Variants in IQCE observed in about 807,000 individuals in gnomAD.
IQCE encodes IQ motif containing E, also known as IQ domain-containing protein E.
Under a neutral mutation model 96.0 loss-of-function variants are expected in IQCE, and 115 were observed. The observed-to-expected ratio is 1.20, with a 90% CI of 1.03 to 1.40. IQCE has a LOEUF of 1.40. Among genes scored for constraint, IQCE ranks in the 40% most tolerant of loss-of-function variants. IQCE has a pLI of 0.00. For synonymous variants in IQCE, 412 were observed against 371.2 expected (o/e 1.11, Z -1.26); for missense variants, 1,041 against 909.1 (o/e 1.15, Z -1.87).
intron 6 of IQCE, among the ~76,000 whole-genome samples, chr7:2,577,737 A>G (rs1324074876): frequency 1.3e-4 from 9 of 71,424 alleles, no homozygotes; most frequent in East Asian, 4.5e-4. Flanking sequence ...TGCGGCGTAT[A>G]CGCATTGGCG....
chr7:2,607,857 C>T (rs887254226), intron 21 of IQCE, among the ~76,000 whole-genome samples: 4 of 152,168 alleles, frequency 2.6e-5, no homozygotes, highest in Admixed American at 1.3e-4. Flanking sequence ...AAGATGAGTG[C>T]GGAGGCACGC....
intron 20 of IQCE, among the ~76,000 whole-genome samples, chr7:2,606,611 CTG>C (rs1425503441): frequency 6.6e-6 from 1 of 152,190 alleles, no homozygotes; most frequent in Non-Finnish European, 1.5e-5. Flanking sequence ...TTCTCAGCCT[CTG>C]TGGTGGAGCC....
At chr7:2,593,345 G>A (rs886437341) in intron 15 of IQCE, among the ~76,000 whole-genome samples, 4 of 152,252 alleles carry the variant, frequency 2.6e-5, no homozygotes, top group East Asian at 1.9e-4. Context: ...TCTCAGGGGC[G>A]TCCTCTGCTC....
intron 16 of IQCE, among the ~76,000 whole-genome samples, chr7:2,595,273 A>G (rs1410603999): frequency 2.0e-5 from 3 of 152,164 alleles, no homozygotes; most frequent in African/African-American, 7.2e-5. Context: ...CGGAGCTGTC[A>G]CTGAGAGGCA....
chr7:2,594,028 G>A (rs1451997552), intron 15 of IQCE, among the ~76,000 whole-genome samples: 6 of 152,150 alleles, frequency 3.9e-5, no homozygotes, highest in African/African-American at 7.2e-5. Flanking sequence ...TTGGGAGGCC[G>A]AGGCGGGCAG....
At chr7:2,596,806 G>A (rs909174327) in intron 16 of IQCE, 4 of 376,786 alleles carry the variant, frequency 1.1e-5, no homozygotes, top group Middle Eastern at 5.8e-4. Context: ...AATGTGTCAG[G>A]ACTGAGGGAA....
At position 2,613,511 on chromosome 7, in the gene IQCE, C is replaced by G. The variant is rs1785184392; in HGVS notation, c.*3349C>G. 2 of 152,236 alleles carry G rather than the reference C, an allele frequency of 1.3e-5. No individual in the cohort carries two copies. Among genetic ancestry groups the G allele is most frequent in the Non-Finnish European group, 2.9e-5 (2 of 68,054 alleles). 9.4% of individuals were successfully genotyped at this position (152,236 alleles called of 1,614,324 possible). A position where few individuals can be genotyped will look rare whatever the true frequency, so the allele number is the denominator to read the frequency against. ...GAGAAAGAGGAGGAGGCCCCAGGCT[C>G]AGAAGCCAGGGACAGACTGCCGACG... On this transcript the variant is annotated 3_prime_UTR_variant, in exon 22 of 22. Coordinates refer to ENST00000402050, the MANE Select transcript of IQCE (RefSeq NM_152558.5).
At chr7:2,579,448 G>A (rs114675103) in intron 8 of IQCE, among the ~76,000 whole-genome samples, 217 of 152,160 alleles carry the variant, frequency 1.4e-3, no homozygotes, top group African/African-American at 4.9e-3. Context: ...AGGATATTAT[G>A]GATCAATACA....
At chr7:2,591,187 A>C (rs528436663) in intron 14 of IQCE, among the ~76,000 whole-genome samples, 4 of 151,842 alleles carry the variant, frequency 2.6e-5, no homozygotes, top group Non-Finnish European at 5.9e-5. Flanking sequence ...TGGGAAGTCG[A>C]GGCTGCCGTG....
chr7:2,568,602 G>A (rs999310056), intron 2 of IQCE, among the ~76,000 whole-genome samples: 1 of 152,228 alleles, frequency 6.6e-6, no homozygotes, highest in Non-Finnish European at 1.5e-5. Flanking sequence ...CCACCTGAGT[G>A]GACAGAGGTG....
chr7:2,570,876 G>C (rs1166408115), intron 3 of IQCE, among the ~76,000 whole-genome samples: 1 of 152,228 alleles, frequency 6.6e-6, no homozygotes. Flanking sequence ...CATTAAAAAT[G>C]TGACATGTTA....
chr7:2,613,060 A>C lies in IQCE; in HGVS notation c.*2898A>C, dbSNP rs1785170692. ...CATCACCTTGAACTTCAAGAACAGCAGCAAAGCTGTATCTGCTATCAGAGG... is the reference window on the plus strand; with the variant it reads ...CATCACCTTGAACTTCAAGAACAGCCGCAAAGCTGTATCTGCTATCAGAGG... On this transcript the variant is annotated 3_prime_UTR_variant, in exon 22 of 22. Coordinates refer to ENST00000402050, the MANE Select transcript of IQCE (RefSeq NM_152558.5). 1.3e-5 allele frequency: 2 copies of C among 152,280 alleles called. No homozygotes were observed. Among genetic ancestry groups the C allele is most frequent in the South Asian group, 4.1e-4 (2 of 4,832 alleles). The allele number at this position is 152,280 out of a possible 1,614,324, so 9.4% of individuals were successfully genotyped here.
At chr7:2,587,442 G>A (rs1368085043) in intron 12 of IQCE, among the ~76,000 whole-genome samples, 1 of 152,122 alleles carries the variant, frequency 6.6e-6, no homozygotes, top group African/African-American at 2.4e-5. Context: ...AGGCAGAGGG[G>A]AGGAGTGGCT....
intron 17 of IQCE, among the ~76,000 whole-genome samples, chr7:2,600,898 G>A (rs912832880): frequency 4.6e-5 from 7 of 152,240 alleles, no homozygotes; most frequent in Admixed American, 1.3e-4. Context: ...TTGTGACGCT[G>A]CGTGTCAGCT....
At chr7:2,591,537 G>T (rs1384726293) in intron 14 of IQCE, among the ~76,000 whole-genome samples, 1 of 151,732 alleles carries the variant, frequency 6.6e-6, no homozygotes, top group Non-Finnish European at 1.5e-5. Context: ...CAAGAGCTAG[G>T]AGCTGGTTAG....
chr7:2,573,605 G>T (rs1286477835), intron 6 of IQCE, 117 bp downstream of exon 6: 1 of 590,482 alleles, frequency 1.7e-6, no homozygotes. Flanking sequence ...GGGAGCGTTA[G>T]GGTCGAACCT....
intron 1 of IQCE, among the ~76,000 whole-genome samples, chr7:2,561,445 G>C (rs1488173147): frequency 6.8e-6 from 1 of 146,120 alleles, no homozygotes; most frequent in Non-Finnish European, 1.5e-5. Flanking sequence ...TTTTGAGATG[G>C]AGTCTTGCTC....
At chr7:2,565,238 C>T (rs1175838274) in intron 1 of IQCE, among the ~76,000 whole-genome samples, 6 of 140,230 alleles carry the variant, frequency 4.3e-5, no homozygotes, top group Middle Eastern at 3.7e-3. Context: ...AGTGTGTGTG[C>T]GTGTGTGTGT....
chr7:2,601,294 G>A (rs999336323), intron 17 of IQCE, 147 bp from the exon 18 acceptor site: 3 of 655,798 alleles, frequency 4.6e-6, no homozygotes, highest in Non-Finnish European at 8.2e-6. Flanking sequence ...TTGTTTGCTG[G>A]GTCCCGGCAG....
Sources: allele counts gnomAD v4.1 joint callset (sites outside exome capture counted in the v4.1 genomes callset), GRCh38; gene constraint gnomAD v4.1.1; transcripts MANE v1.5; gene names NCBI Gene and HGNC (gene_info 2026-07-23, HGNC 2026-07-21).